Variants in ARHGAP39 observed in about 807,000 individuals in gnomAD.
The protein encoded by ARHGAP39 is rho GTPase-activating protein 39.
ARHGAP39 carries 44 observed loss-of-function variants against 106.9 expected under a neutral mutation model. The ratio of observed to expected loss-of-function variants is 0.41; its 90% confidence interval spans 0.32 to 0.53. The LOEUF is 0.53. Ranked by LOEUF, ARHGAP39 falls within the 20% of genes least tolerant of loss-of-function variation. ARHGAP39 has a pLI of 0.21. For synonymous variants in ARHGAP39, 768 were observed against 693.2 expected, an observed-to-expected ratio of 1.11 and a Z score of -1.69; for missense variants, 1,496 against 1,577.3, an observed-to-expected ratio of 0.95 and a Z score of 0.87.
chr8:144,676,131 A>G (rs973748721), intron 1 of ARHGAP39, among the ~76,000 whole-genome samples: 1 of 152,218 alleles, frequency 6.6e-6, no homozygotes, highest in Non-Finnish European at 1.5e-5. Context: ...CTTCCACAGC[A>G]TGGAAGGGGA....
At chr8:144,561,359 C>T (rs915862673) in intron 3 of ARHGAP39, among the ~76,000 whole-genome samples, 1 of 152,030 alleles carries the variant, frequency 6.6e-6, no homozygotes, top group African/African-American at 2.4e-5. Flanking sequence ...TGGTTTCCAT[C>T]GGGCCCCAGT....
At chr8:144,620,224 AGT>A (rs954733644) in intron 1 of ARHGAP39, among the ~76,000 whole-genome samples, 2 of 134,958 alleles carry the variant, frequency 1.5e-5, no homozygotes, top group Non-Finnish European at 3.2e-5. Context: ...TCCCTGAGAA[AGT>A]GTGTGTGCCC....
chr8:144,623,716 G>A (rs564716226), intron 1 of ARHGAP39, among the ~76,000 whole-genome samples: 41 of 152,356 alleles, frequency 2.7e-4, no homozygotes, highest in African/African-American at 7.9e-4. Context: ...CATCCAGGGA[G>A]TGTCTCTGAA....
chr8:144,668,660 A>C (rs769962446), intron 1 of ARHGAP39, among the ~76,000 whole-genome samples: 1 of 152,236 alleles, frequency 6.6e-6, no homozygotes, highest in Admixed American at 6.5e-5. Context: ...AAATTAAAGA[A>C]GTCCTAAATA....
intron 2 of ARHGAP39, among the ~76,000 whole-genome samples, chr8:144,582,438 C>A (rs1819029553): frequency 6.6e-6 from 1 of 152,246 alleles, no homozygotes; most frequent in Admixed American, 6.5e-5. Flanking sequence ...GGCCCTCACA[C>A]AGTGGCGGCG....
upstream of ARHGAP39, among the ~76,000 whole-genome samples, chr8:144,685,865 C>T (rs1227768088): frequency 1.3e-5 from 2 of 149,020 alleles, no homozygotes; most frequent in East Asian, 2.0e-4. Flanking sequence ...CGCGTCCTCC[C>T]GTCACCAAGC....
chr8:144,540,754 G>A (rs761254722), intron 6 of ARHGAP39, among the ~76,000 whole-genome samples: 1 of 152,124 alleles, frequency 6.6e-6, no homozygotes, highest in African/African-American at 2.4e-5. Flanking sequence ...GAGCAGTGAC[G>A]TCACCACTGC....
chr8:144,537,917 G>A (rs1388532169), intron 6 of ARHGAP39, 104 bp from the exon 7 acceptor site: 3 of 994,626 alleles, frequency 3.0e-6, no homozygotes, highest in Admixed American at 2.0e-5. Flanking sequence ...GGGCCTGTTG[G>A]GGGCTCACCC....
chr8:144,547,942 A>G lies in ARHGAP39; in HGVS notation c.1144T>C (p.Phe382Leu), dbSNP rs1817527897. The G allele has an allele frequency of 6.3e-7, 1 of 1,595,612 alleles. No individual in the cohort carries two copies. ...GCGGGACTGTACTCCAGGCTCAGGAAGCGCTCGGGACACTTCTGCTTGGTG... is the reference window on the plus strand; with the variant it reads ...GCGGGACTGTACTCCAGGCTCAGGAGGCGCTCGGGACACTTCTGCTTGGTG... ...VLTKQKCPER[F>L]LSLEYSPAGK... is the part of the protein sequence containing the mutation. Residue 382 changes from phenylalanine (F) to leucine (L), a missense_variant, in exon 5 of 12, where the codon TTC (phenylalanine) becomes CTC (leucine). Physicochemically the swap from Phe to Leu is conservative, Grantham distance 22. Around this residue, in one of 4 missense-constraint regions of ARHGAP39, gnomAD observed 905 missense variants for 816.4 expected, o/e 1.11. Transcript: ENST00000377307. The surrounding 1 kb of genome is among the most constrained non-coding windows in gnomAD (Gnocchi z 5.2).
Position 144,530,199 on chromosome 8 carries a change from G to T in ARHGAP39, c.*223C>A. Reference sequence around the variant, plus strand: ...GAGGCGGTGCCCGCGGGAACTGGCCGTGAGGTGGGGGGCCAGAGGCGCCCT... The same window carrying T: ...GAGGCGGTGCCCGCGGGAACTGGCCTTGAGGTGGGGGGCCAGAGGCGCCCT... On this transcript the variant is annotated 3_prime_UTR_variant, in exon 12 of 12. Coordinates refer to ENST00000377307, the MANE Select transcript of ARHGAP39 (RefSeq NM_025251.3). 1.8e-6 allele frequency: 1 copy of T among 559,446 alleles called. No individual in the cohort carries two copies. The highest frequency in any genetic ancestry group is 2.3e-5 in the South Asian group (1 of 43,266). The allele number at this position is 559,446 out of a possible 1,614,324, so 34.7% of individuals were successfully genotyped here.
intron 3 of ARHGAP39, among the ~76,000 whole-genome samples, chr8:144,563,760 T>C (rs2130873239): frequency 6.6e-6 from 1 of 152,088 alleles, no homozygotes; most frequent in East Asian, 1.9e-4. Context: ...CACTGCATTC[T>C]AGCATGGGTA....
intron 2 of ARHGAP39, among the ~76,000 whole-genome samples, chr8:144,599,490 G>C (rs1004091751): frequency 1.3e-5 from 2 of 152,192 alleles, no homozygotes; most frequent in Non-Finnish European, 2.9e-5. Flanking sequence ...AGAAACCCAG[G>C]AGATAAACAG....
At chr8:144,654,555 G>A (rs1821649550) in intron 1 of ARHGAP39, among the ~76,000 whole-genome samples, 1 of 152,216 alleles carries the variant, frequency 6.6e-6, no homozygotes, top group South Asian at 2.1e-4. Context: ...GGCCAGTCAA[G>A]ACGGCCTGCT....
At chr8:144,598,483 G>A (rs900868922) in intron 2 of ARHGAP39, among the ~76,000 whole-genome samples, 19 of 152,180 alleles carry the variant, frequency 1.2e-4, no homozygotes, top group African/African-American at 2.9e-4. Context: ...CCAGACAGAC[G>A]GGCAGAAGCA....
intron 3 of ARHGAP39, among the ~76,000 whole-genome samples, chr8:144,573,180 A>C (rs1484654372): frequency 2.0e-5 from 3 of 152,372 alleles, no homozygotes; most frequent in South Asian, 2.1e-4. Flanking sequence ...ACTAGTCACA[A>C]TAGCAAAGAC....
At chr8:144,549,010 T>C (rs2130847691) in intron 4 of ARHGAP39, among the ~76,000 whole-genome samples, 1 of 152,298 alleles carries the variant, frequency 6.6e-6, no homozygotes, top group Admixed American at 6.5e-5. Flanking sequence ...CCTGCCCCAG[T>C]CACCACGCTC....
chr8:144,546,257 C>T (rs1259383145), intron 5 of ARHGAP39, among the ~76,000 whole-genome samples: 2 of 152,338 alleles, frequency 1.3e-5, no homozygotes, highest in Admixed American at 6.5e-5. Context: ...CCCTTCCCTC[C>T]AGCCTTCACC....
chr8:144,572,079 C>T (rs923118284), intron 3 of ARHGAP39, among the ~76,000 whole-genome samples: 4 of 152,030 alleles, frequency 2.6e-5, no homozygotes, highest in South Asian at 2.1e-4. Context: ...AGATTCAATG[C>T]CCCATCAAGC....
At chr8:144,606,012 G>A (rs548082869) in intron 1 of ARHGAP39, among the ~76,000 whole-genome samples, 32 of 152,350 alleles carry the variant, frequency 2.1e-4, no homozygotes, top group African/African-American at 4.3e-4. Flanking sequence ...GGGGGACCGT[G>A]GGACCGTAGG....
Sources: gnomAD v4.1 joint callset for allele counts (sites outside exome capture counted in the v4.1 genomes callset) on GRCh38, gnomAD v4.1.1 for gene constraint, gnomAD v4.1.1 regional missense constraint, Gnocchi (gnomAD v3.1) non-coding constraint, MANE v1.5 for transcripts, NCBI Gene and HGNC (gene_info 2026-07-23, HGNC 2026-07-21) for gene names.